AASS: variants seen among roughly 807,000 people sequenced by gnomAD.
The protein encoded by AASS is aminoadipate-semialdehyde synthase, also known as alpha-aminoadipic semialdehyde synthase, mitochondrial.
In AASS, 86 loss-of-function variants were observed where a neutral mutation model predicts 105.4. That is an observed-to-expected ratio of 0.82 (90% confidence interval 0.69 to 0.98). AASS has a LOEUF of 0.98. Among genes scored for constraint, AASS ranks in the 50% least tolerant of loss-of-function variants. The pLI is 0.00. For synonymous variants in AASS, 381 were observed against 394.8 expected (o/e 0.96, Z 0.41); for missense variants, 1,048 against 1,143.2 (o/e 0.92, Z 1.20).
intron 18 of AASS, among the ~76,000 whole-genome samples, chr7:122,089,172 G>C (rs1793777610): frequency 6.6e-6 from 1 of 152,102 alleles, no homozygotes. Flanking sequence ...AAGAATACAA[G>C]AGAGGTTTTA....
chr7:122,106,725 C>G (rs542265880), intron 11 of AASS, among the ~76,000 whole-genome samples: 136 of 152,204 alleles, frequency 8.9e-4, no homozygotes, highest in Non-Finnish European at 1.7e-3. Context: ...AAAACTGGAT[C>G]ACTTCCTTAC....
intron 11 of AASS, among the ~76,000 whole-genome samples, chr7:122,111,799 A>T (rs1427294609): frequency 1.3e-5 from 2 of 152,094 alleles, no homozygotes; most frequent in African/African-American, 2.4e-5. Context: ...GCTACTCGGG[A>T]GGCTGAGGCA....
intron 1 of AASS, 49 bp from the exon 2 acceptor site, chr7:122,133,790 C>A: frequency 6.7e-7 from 1 of 1,503,664 alleles, no homozygotes; most frequent in East Asian, 2.3e-5. Flanking sequence ...GCAAGGCTGG[C>A]AGATCAGTTC....
chr7:122,117,871 G>A (rs1795257372), intron 6 of AASS, among the ~76,000 whole-genome samples: 1 of 151,950 alleles, frequency 6.6e-6, no homozygotes, highest in South Asian at 2.1e-4. Flanking sequence ...GGCCAGGTTG[G>A]CCTCGAACTC....
chr7:122,101,829 A>G lies in AASS; in HGVS notation c.1279-149T>C, dbSNP rs751134988. 106 of 678,352 alleles carry G rather than the reference A, an allele frequency of 1.6e-4. 1 individual carries two copies. The highest frequency in any genetic ancestry group is 9.2e-4 in the South Asian group (53 of 57,412). The allele number at this position is 678,352 out of a possible 1,614,324, so 42.0% of individuals were successfully genotyped here. A position where few individuals can be genotyped will look rare whatever the true frequency, so the allele number is the denominator to read the frequency against. Reference sequence around the variant, plus strand: ...TCACCGAGTATAAGTGATTGCTAATAGAAGTCTTCTACAAGCAATCAACTC... The same window carrying G: ...TCACCGAGTATAAGTGATTGCTAATGGAAGTCTTCTACAAGCAATCAACTC... On this transcript the variant is annotated intron_variant, in intron 11 of 23. Transcript: ENST00000417368.
chr7:122,092,232 C>T (rs1309015133), intron 17 of AASS, among the ~76,000 whole-genome samples: 1 of 151,762 alleles, frequency 6.6e-6, no homozygotes, highest in Non-Finnish European at 1.5e-5. Flanking sequence ...CATTTACACC[C>T]AATAGTACCT....
At chr7:122,082,309 A>G (rs989414042) in intron 19 of AASS, among the ~76,000 whole-genome samples, 31 of 152,048 alleles carry the variant, frequency 2.0e-4, no homozygotes, top group African/African-American at 7.2e-4. Flanking sequence ...CTATTCCCCA[A>G]ATGTGCTGTG....
At chr7:122,124,098 C>A (rs1323049990) in intron 4 of AASS, among the ~76,000 whole-genome samples, 1 of 152,126 alleles carries the variant, frequency 6.6e-6, no homozygotes, top group Non-Finnish European at 1.5e-5. Flanking sequence ...GAACTTATTT[C>A]TATTCCTCAA....
rs1795475377 is a variant in AASS at position 122,122,305 on chromosome 7, G to T, written c.473-3675C>A. ...TTAAACAAAATGGAGCATAAAGAGA[G>T]AAAAAGACTGAGAAAAAAAAACAGA... On this transcript the variant is annotated intron_variant, in intron 4 of 23. Coordinates refer to ENST00000417368, the MANE Select transcript of AASS (RefSeq NM_005763.4). Among the ~76,000 whole-genome samples, 3 of 151,824 alleles carry T rather than the reference G, an allele frequency of 2.0e-5. No homozygotes were observed. The South Asian group carries it at 6.2e-4, about 31-fold the overall frequency.
At chr7:122,137,891 C>T (rs1286708607) in intron 1 of AASS, among the ~76,000 whole-genome samples, 1 of 152,028 alleles carries the variant, frequency 6.6e-6, no homozygotes, top group Non-Finnish European at 1.5e-5. Context: ...GTGAGGTTAC[C>T]CGACAATGTC....
chr7:122,089,524 T>C (rs1283043431), intron 18 of AASS, among the ~76,000 whole-genome samples: 1 of 152,176 alleles, frequency 6.6e-6, no homozygotes, highest in Non-Finnish European at 1.5e-5. Flanking sequence ...AAATACAACT[T>C]CTGCTACCTG....
In AASS at chr7:122,074,752, G is replaced by T. The variant is rs758723803; in HGVS notation, c.*1737C>A. ...AAGACTATTTTGCCCCCATTGAATT[G>T]TCTTAGCACTATTTTCAAAAGTCAG... On this transcript the variant is annotated 3_prime_UTR_variant, in exon 24 of 24. Transcript: ENST00000417368. Among the ~76,000 whole-genome samples, 5 of 152,150 alleles carry T rather than the reference G, an allele frequency of 3.3e-5. No individual in the cohort carries two copies. Among genetic ancestry groups the T allele is most frequent in the African/African-American group, 1.2e-4 (5 of 41,438 alleles).
chr7:122,115,202 G>T lies in AASS; in HGVS notation c.915C>A (p.Cys305Ter). 6.2e-7 allele frequency: 1 copy of T among 1,614,024 alleles called. No homozygotes were observed. The highest frequency in any genetic ancestry group is 2.2e-5 in the East Asian group (1 of 44,874). ...GTTCCCAGTAGATTCCATTAATTAA[G>T]CAAGTTGTATAGGGTGCAATCTGTA... ...FNTDIAPYTT[C>*]LINGIYWEQN... Residue 305 changes from cysteine (C) to a stop codon, truncating the protein, a stop_gained, in exon 9 of 24, where the codon TGC (cysteine) becomes TGA (stop). Transcript: ENST00000417368. LOFTEE classifies it high-confidence loss of function.
At chr7:122,115,272 T>C in intron 8 of AASS, 50 bp from the exon 9 acceptor site, 1 of 1,594,164 alleles carries the variant, frequency 6.3e-7, no homozygotes, top group Non-Finnish European at 8.6e-7. Flanking sequence ...CCTATTTTAA[T>C]ACAGTATACT....
chr7:122,116,989 A>T, intron 6 of AASS, 32 bp from the exon 7 acceptor site: 1 of 1,583,392 alleles, frequency 6.3e-7, no homozygotes, highest in Non-Finnish European at 8.7e-7. Context: ...AAATCCAAAA[A>T]TCAATAGAAA....
chr7:122,076,667 C>T (rs1584799706), intron 23 of AASS, 60 bp from the exon 24 acceptor site: 2 of 1,260,922 alleles, frequency 1.6e-6, no homozygotes, highest in East Asian at 2.3e-5. Context: ...TTAATTTCCC[C>T]ATCAAGAGTC....
chr7:122,076,281 A>T lies in AASS; in HGVS notation c.*208T>A. Reference sequence around the variant, plus strand: ...TACGTATTTATAAAATACAGGGTAGAATTATTAAAGTTCTCTGTTAGTGGC... The same window carrying T: ...TACGTATTTATAAAATACAGGGTAGTATTATTAAAGTTCTCTGTTAGTGGC... On this transcript the variant is annotated 3_prime_UTR_variant, in exon 24 of 24. Transcript: ENST00000417368. 2 of 544,622 alleles carry T rather than the reference A, an allele frequency of 3.7e-6. No homozygotes were observed. The highest frequency in any genetic ancestry group is 6.5e-5 in the Admixed American group (2 of 30,598). 33.7% of individuals were successfully genotyped at this position (544,622 alleles called of 1,614,324 possible). A position where few individuals can be genotyped will look rare whatever the true frequency, so the allele number is the denominator to read the frequency against.
intron 22 of AASS, 60 bp from the exon 23 acceptor site, chr7:122,078,074 T>C: frequency 1.3e-6 from 2 of 1,504,096 alleles, no homozygotes. Flanking sequence ...ATATTGTCTG[T>C]CATCTCCTCC....
chr7:122,129,314 ATAT>A, intron 3 of AASS, 44 bp downstream of exon 3: 2 of 1,300,054 alleles, frequency 1.5e-6, no homozygotes, highest in Non-Finnish European at 2.0e-6. Flanking sequence ...AAAGTAAAAA[ATAT>A]TATTTTTCTA....
Sources: allele counts gnomAD v4.1 joint callset (sites outside exome capture counted in the v4.1 genomes callset), GRCh38; gene constraint gnomAD v4.1.1; transcripts MANE v1.5; gene names NCBI Gene and HGNC (gene_info 2026-07-23, HGNC 2026-07-21).